Variants in SLC22A24 observed in about 807,000 individuals in gnomAD.
SLC22A24 encodes solute carrier family 22 member 24.
A neutral mutation model predicts 49.8 loss-of-function variants in SLC22A24; 53 were observed. That is an observed-to-expected ratio of 1.06 (90% CI 0.85 to 1.34). The LOEUF (loss-of-function observed/expected upper bound fraction) is 1.34, where lower values mean the gene tolerates loss of function less well. SLC22A24 is among the 40% of genes most tolerant of loss of function. SLC22A24 has a pLI of 0.00. For missense variants in SLC22A24, 786 were observed against 675.9 expected, an observed-to-expected ratio of 1.16 and a Z score of -1.81; for synonymous variants, 302 against 256.4, an observed-to-expected ratio of 1.18 and a Z score of -1.70.
chr11:63,125,972 G>A (rs2087287559), intron 2 of SLC22A24, among the ~76,000 whole-genome samples: 1 of 152,198 alleles, frequency 6.6e-6, no homozygotes, highest in Non-Finnish European at 1.5e-5. Context: ...AGAAGTGTCT[G>A]TTCATATCCT....
chr11:63,121,867 C>T (rs1443435650), intron 2 of SLC22A24, among the ~76,000 whole-genome samples: 1 of 151,994 alleles, frequency 6.6e-6, no homozygotes. Context: ...TCAATTCCCA[C>T]CTATGAGTGA....
At chr11:63,132,693 C>T (rs2087345363) in intron 2 of SLC22A24, among the ~76,000 whole-genome samples, 2 of 152,142 alleles carry the variant, frequency 1.3e-5, no homozygotes, top group Admixed American at 6.5e-5. Context: ...CAGAGGAGCA[C>T]CCACCTGTAT....
At chr11:63,113,221 T>TATACATATATATATACAC (rs1369899827) in intron 4 of SLC22A24, among the ~76,000 whole-genome samples, 2 of 7,246 alleles carry the variant, frequency 2.8e-4, no homozygotes, top group African/African-American at 3.9e-4. Flanking sequence ...TACACATATA[T>TATACATATATATATACAC]ATATATACAT....
intron 5 of SLC22A24, among the ~76,000 whole-genome samples, chr11:63,100,927 C>T (rs1032646292): frequency 1.3e-5 from 2 of 152,002 alleles, no homozygotes; most frequent in African/African-American, 4.8e-5. Context: ...TCTAAGATTG[C>T]AAACTATACA....
chr11:63,119,623 T>C (rs575540573), intron 2 of SLC22A24, among the ~76,000 whole-genome samples: 2 of 152,272 alleles, frequency 1.3e-5, no homozygotes, highest in East Asian at 3.9e-4. Context: ...AGTTGTCCCA[T>C]ATTTCCCAAA....
At chr11:63,090,530 A>G (rs985421713) in intron 6 of SLC22A24, among the ~76,000 whole-genome samples, 14 of 152,288 alleles carry the variant, frequency 9.2e-5, no homozygotes, top group African/African-American at 3.4e-4. Flanking sequence ...CAATCAAATT[A>G]GAACTCAGGA....
At chr11:63,088,349 G>A (rs2086999570) in intron 6 of SLC22A24, among the ~76,000 whole-genome samples, 1 of 102,874 alleles carries the variant, frequency 9.7e-6, no homozygotes, top group African/African-American at 3.0e-5. Flanking sequence ...CTGTTAGAAG[G>A]AAAAGTAACA....
intron 4 of SLC22A24, 135 bp downstream of exon 4, chr11:63,118,777 G>T: frequency 1.1e-6 from 1 of 891,040 alleles, no homozygotes; most frequent in Non-Finnish European, 1.8e-6. Context: ...TGCTTCTCAG[G>T]TGACACAATA....
rs1225560702 is a variant in SLC22A24 at position 63,081,081 on chromosome 11, C to T, written c.1437G>A (p.Gly479=). 1.3e-6 allele frequency: 2 copies of T among 1,551,610 alleles called. No homozygotes were observed. ...TCATCAACAGAGGAGCCAGTGCTGCCCCAGTCCTACCGGACACTGCATTGA... is the reference window on the plus strand; with the variant it reads ...TCATCAACAGAGGAGCCAGTGCTGCTCCAGTCCTACCGGACACTGCATTGA... ...AGINAVSGRT[G]AALAPLLMTL... is the part of the protein sequence containing the mutation. The change falls in exon 9 of 10, where the codon GGG becomes GGA. Residue 479 remains glycine, a synonymous_variant. Coordinates refer to ENST00000612278, the MANE Select transcript of SLC22A24 (RefSeq NM_001136506.2).
At chr11:63,090,425 G>A (rs1444575397) in intron 6 of SLC22A24, among the ~76,000 whole-genome samples, 2 of 151,972 alleles carry the variant, frequency 1.3e-5, no homozygotes, top group East Asian at 3.9e-4. Context: ...GTGCCACACA[G>A]CATGTATTCT....
chr11:63,124,796 CTTTG>C (rs1565336744), intron 2 of SLC22A24, among the ~76,000 whole-genome samples: 1 of 152,086 alleles, frequency 6.6e-6, no homozygotes, highest in Non-Finnish European at 1.5e-5. Flanking sequence ...AGTTCATGTC[CTTTG>C]TAGGGACATG....
Position 63,113,293 on chromosome 11 carries a change from G to A in SLC22A24, c.830+5619C>T, listed in dbSNP as rs188665649. 1.6e-4 allele frequency among the ~76,000 whole-genome samples: 24 copies of A among 148,930 alleles called. No individual in the cohort carries two copies. In the East Asian group the frequency reaches 2.3e-3, roughly 15 times the overall value. On this transcript the variant is annotated intron_variant, in intron 4 of 9. Coordinates refer to ENST00000612278, the MANE Select transcript of SLC22A24 (RefSeq NM_001136506.2). ...AGTTACATGTGACTTTGATCCTGTC[G>A]TTATTATGTTAGCTAGTTATTTTGC...
intron 2 of SLC22A24, among the ~76,000 whole-genome samples, chr11:63,129,207 T>C (rs1016984540): frequency 6.6e-6 from 1 of 152,214 alleles, no homozygotes; most frequent in Non-Finnish European, 1.5e-5. Context: ...TAGCCAGTTT[T>C]CCCAGCACCA....
rs376649497 is a variant in SLC22A24, at chr11:63,080,941, G to T, written c.1577C>A (p.Thr526Asn). 3 of 1,552,006 alleles carry T rather than the reference G, an allele frequency of 1.9e-6. No homozygotes were observed. The Admixed American group carries it at 5.9e-5, about 30-fold the overall frequency. Residue 526 changes from threonine to asparagine, a missense_variant, in exon 9 of 10, where the codon ACC becomes AAC. By Grantham distance (65) the Thr-to-Asn change is moderately conservative (BLOSUM62 0). Coordinates refer to ENST00000612278, the MANE Select transcript of SLC22A24 (RefSeq NM_001136506.2). ...TCACTCATTTTCCACATCCTGGATG[G>T]TGTTAGGAAGAGGTAGATCCCTGGT... ...PETRDLPLPNTIQDVENDRKD... is the reference protein window; with the variant it reads ...PETRDLPLPNNIQDVENDRKD...
At chr11:63,117,447 C>T (rs1365418709) in intron 4 of SLC22A24, among the ~76,000 whole-genome samples, 3 of 152,156 alleles carry the variant, frequency 2.0e-5, no homozygotes, top group Admixed American at 1.3e-4. Context: ...TACATCTCTG[C>T]CTTAGCCTCC....
At position 63,095,156 on chromosome 11, in the gene SLC22A24, G is replaced by A. The variant is rs1365223759; in HGVS notation, c.1070+835C>T. On this transcript the variant is annotated intron_variant, in intron 6 of 9. Transcript: ENST00000612278. ...TTTAATCCATCTTGAATTAATTTTTGTGTAAGGTGTAAGGGATCCAGTTTC... is the reference window on the plus strand; with the variant it reads ...TTTAATCCATCTTGAATTAATTTTTATGTAAGGTGTAAGGGATCCAGTTTC... 1.3e-5 allele frequency among the ~76,000 whole-genome samples: 2 copies of A among 152,082 alleles called. 1 individual carries two copies. The highest frequency in any genetic ancestry group is 2.9e-5 in the Non-Finnish European group (2 of 68,002).
At chr11:63,081,465 G>T (rs2086959620) in intron 8 of SLC22A24, 93 bp downstream of exon 8, 3 of 854,274 alleles carry the variant, frequency 3.5e-6, no homozygotes, top group South Asian at 1.5e-5. Flanking sequence ...TAATTCATCT[G>T]GCACCTAAAC....
rs140872207 is a variant in SLC22A24, at chr11:63,081,639, G to C, written c.1313C>G (p.Ala438Gly). Reference sequence around the variant, plus strand: ...AGAAACACTACCAATTCCCAAAGTTGCTAAAACCACACGCAGGATCTGCAT... The same window carrying C: ...AGAAACACTACCAATTCCCAAAGTTCCTAAAACCACACGCAGGATCTGCAT... The part of the protein sequence containing the change: ...QEMQILRVVL[A>G]TLGIGSVSAA... Residue 438 changes from alanine to glycine, a missense_variant, in exon 8 of 10, where the codon GCA (alanine) becomes GGA (glycine). Ala to Gly is a moderately conservative substitution (Grantham distance 60). Transcript: ENST00000612278. 6.1e-4 allele frequency: 952 copies of C among 1,551,352 alleles called. 2 individuals carry two copies. The African/African-American group carries it at 7.7e-3, about 13-fold the overall frequency.
chr11:63,086,127 G>A (rs546397477), intron 6 of SLC22A24, among the ~76,000 whole-genome samples: 42 of 152,196 alleles, frequency 2.8e-4, no homozygotes, highest in Non-Finnish European at 5.4e-4. Context: ...AAGCAGTATG[G>A]TGATTCCTCA....
Sources: allele counts gnomAD v4.1 joint callset (sites outside exome capture counted in the v4.1 genomes callset), GRCh38; gene constraint gnomAD v4.1.1; transcripts MANE v1.5; gene names NCBI Gene and HGNC (gene_info 2026-07-23, HGNC 2026-07-21).